Variants in GPC6 observed in about 807,000 individuals in gnomAD.
The protein encoded by GPC6 is glypican-6.
GPC6 carries 14 observed loss-of-function variants against 55.2 expected under a neutral mutation model. The observed-to-expected ratio is 0.25, with a 90% CI of 0.17 to 0.40. GPC6 has a LOEUF of 0.40. Ranked by LOEUF, GPC6 falls within the 10% of genes least tolerant of loss-of-function variation. GPC6 has a pLI of 1.00. For synonymous variants in GPC6, 278 were observed against 259.6 expected, an observed-to-expected ratio of 1.07 and a Z score of -0.68; for missense variants, 641 against 708.5, an observed-to-expected ratio of 0.90 and a Z score of 1.08.
chr13:93,937,026 A>G (rs1878471568), intron 3 of GPC6, among the ~76,000 whole-genome samples: 1 of 152,216 alleles, frequency 6.6e-6, no homozygotes, highest in Non-Finnish European at 1.5e-5. Context: ...ATGGGCAATA[A>G]GGTAGTAGAG....
chr13:93,828,037 C>A (rs1246507597), intron 2 of GPC6, among the ~76,000 whole-genome samples: 2 of 151,000 alleles, frequency 1.3e-5, no homozygotes, highest in East Asian at 3.9e-4. Context: ...TTTTTTAAAG[C>A]TCTTTGCAAA....
chr13:93,775,806 C>T (rs944736723), intron 2 of GPC6, among the ~76,000 whole-genome samples: 4 of 145,222 alleles, frequency 2.8e-5, no homozygotes, highest in Non-Finnish European at 5.9e-5. Context: ...TGGCGAATGT[C>T]GTCTAAACAA....
intron 2 of GPC6, among the ~76,000 whole-genome samples, chr13:93,649,002 A>G (rs1035701551): frequency 5.9e-5 from 9 of 152,148 alleles, no homozygotes. Context: ...AAAATTTTTG[A>G]GATAATCTTA....
intron 3 of GPC6, among the ~76,000 whole-genome samples, chr13:93,904,059 A>G (rs1465535279): frequency 6.6e-6 from 1 of 152,120 alleles, no homozygotes; most frequent in African/African-American, 2.4e-5. Context: ...AATATGGATG[A>G]CAACAGGCTG....
chr13:93,434,346 C>A (rs1877484932), intron 1 of GPC6, among the ~76,000 whole-genome samples: 1 of 152,036 alleles, frequency 6.6e-6, no homozygotes, highest in Non-Finnish European at 1.5e-5. Context: ...TGAGAGAACC[C>A]AGATGATAAC....
intron 3 of GPC6, among the ~76,000 whole-genome samples, chr13:93,961,913 C>G (rs1470812593): frequency 6.6e-6 from 1 of 152,066 alleles, no homozygotes; most frequent in Admixed American, 6.5e-5. Context: ...CCGTCCTAGC[C>G]TCACCTAGCT....
intron 6 of GPC6, among the ~76,000 whole-genome samples, chr13:94,372,123 ACTTTCTTG>A (rs1879576002): frequency 6.9e-6 from 1 of 145,186 alleles, no homozygotes; most frequent in African/African-American, 2.6e-5. Context: ...TTGCTTGCTT[ACTTTCTTG>A]CTTTCTTCTT....
At chr13:93,349,113 AC>A (rs1880531759) in intron 1 of GPC6, among the ~76,000 whole-genome samples, 1 of 152,178 alleles carries the variant, frequency 6.6e-6, no homozygotes, top group African/African-American at 2.4e-5. Flanking sequence ...TTTGGCCTTT[AC>A]TAGTTCAGAA....
intron 3 of GPC6, among the ~76,000 whole-genome samples, chr13:93,967,744 A>T (rs887219122): frequency 1.3e-5 from 2 of 152,228 alleles, no homozygotes; most frequent in African/African-American, 4.8e-5. Context: ...TTAATGCATT[A>T]AATTGATTTT....
chr13:93,388,092 C>T (rs2139213609), intron 1 of GPC6, among the ~76,000 whole-genome samples: 1 of 152,206 alleles, frequency 6.6e-6, no homozygotes, highest in Non-Finnish European at 1.5e-5. Context: ...ATGATTGTCC[C>T]TGCTTTAGAG....
At chr13:93,305,520 C>T (rs1303797468) in intron 1 of GPC6, among the ~76,000 whole-genome samples, 1 of 152,168 alleles carries the variant, frequency 6.6e-6, no homozygotes, top group Non-Finnish European at 1.5e-5. Context: ...CCATCTGTTT[C>T]TGATATCCAA....
chr13:93,534,715 CA>C (rs1881989749), intron 1 of GPC6, among the ~76,000 whole-genome samples: 1 of 152,204 alleles, frequency 6.6e-6, no homozygotes, highest in African/African-American at 2.4e-5. Context: ...TTGAAAGAGG[CA>C]TGCAGAGTGA....
At chr13:93,839,354 T>C (rs1887867365) in intron 3 of GPC6, among the ~76,000 whole-genome samples, 1 of 152,158 alleles carries the variant, frequency 6.6e-6, no homozygotes, top group African/African-American at 2.4e-5. Flanking sequence ...AATTTCACAT[T>C]GCTCTGACAC....
chr13:93,380,401 AATATAAGAATTGGTAAGGTC>A (rs1354004322), intron 1 of GPC6, among the ~76,000 whole-genome samples: 1 of 152,198 alleles, frequency 6.6e-6, no homozygotes, highest in Admixed American at 6.5e-5. Flanking sequence ...TAAAGGTATT[AATATAAGAATTGGTAAGGTC>A]ATATAAATGT....
intron 3 of GPC6, among the ~76,000 whole-genome samples, chr13:93,981,179 T>A (rs1594639736): frequency 6.6e-6 from 1 of 152,192 alleles, no homozygotes; most frequent in Non-Finnish European, 1.5e-5. Flanking sequence ...TGATCACTGA[T>A]TTCAGAGCAA....
intron 4 of GPC6, among the ~76,000 whole-genome samples, chr13:94,205,732 T>G (rs1594055820): frequency 2.6e-5 from 4 of 152,374 alleles, no homozygotes; most frequent in Admixed American, 2.6e-4. Flanking sequence ...CTTCATTTTC[T>G]TTTTTGAGAG....
In GPC6 at chr13:94,391,241, G is replaced by A. The variant is rs189610410; in HGVS notation, c.1290-7225G>A. ...CTTTAAAATTTCAGATTCTGCTACC[G>A]TCATCCACTCACAAGAAATTAGTTT... On this transcript the variant is annotated intron_variant, in intron 7 of 8. Transcript: ENST00000377047. Among the ~76,000 whole-genome samples the A allele has an allele frequency of 3.9e-5, 6 of 152,204 alleles. No individual in the cohort carries two copies. In the East Asian group the frequency reaches 7.7e-4, roughly 20 times the overall value.
intron 6 of GPC6, among the ~76,000 whole-genome samples, chr13:94,376,891 C>T (rs879766559): frequency 0.011 from 1,600 of 151,748 alleles, 13 homozygotes; most frequent in Non-Finnish European, 0.017. Flanking sequence ...TCAGAAATAA[C>T]GCAGCATATC....
intron 4 of GPC6, among the ~76,000 whole-genome samples, chr13:94,124,924 A>C (rs969909690): frequency 1.3e-5 from 2 of 152,130 alleles, no homozygotes; most frequent in African/African-American, 4.8e-5. Flanking sequence ...GAGAAACTGT[A>C]CTTTGCCAGG....
Sources: allele counts gnomAD v4.1 joint callset (sites outside exome capture counted in the v4.1 genomes callset), GRCh38; gene constraint gnomAD v4.1.1; transcripts MANE v1.5; gene names NCBI Gene and HGNC (gene_info 2026-07-23, HGNC 2026-07-21).